Variants in CD96 observed in about 807,000 individuals in gnomAD.
The protein encoded by CD96 is CD96 molecule.
In CD96, 70 loss-of-function variants were observed where a neutral mutation model predicts 71.3. The ratio of observed to expected loss-of-function variants is 0.98; its 90% CI spans 0.81 to 1.20. The LOEUF is 1.20. Ranked by LOEUF, CD96 falls within the 50% of genes most tolerant of loss-of-function variation. The probability of loss-of-function intolerance (pLI) is 0.00; values close to 1 mark genes in which losing one functional copy is unlikely to be tolerated. For synonymous variants in CD96, 248 were observed against 233.0 expected (o/e 1.06, Z -0.59); for missense variants, 742 against 677.5 (o/e 1.10, Z -1.06).
At chr3:111,661,771 G>A (rs1940364795) in intron 14 of CD96, among the ~76,000 whole-genome samples, 1 of 152,226 alleles carries the variant, frequency 6.6e-6, no homozygotes, top group South Asian at 2.1e-4. Flanking sequence ...CAGTCCTCTT[G>A]GCTGCTTTCA....
intron 5 of CD96, among the ~76,000 whole-genome samples, chr3:111,591,371 T>TAAAAAAAAAAAAAAAAAAAAAAAAAA (rs3082283): frequency 1.1e-5 from 1 of 88,110 alleles, no homozygotes. Context: ...GACTCCATCT[T>TAAAAAAAAAAAAAAAAAAAAAAAAAA]AAAAAAAAAA....
chr3:111,652,670 G>A (rs1053027185), downstream of CD96, among the ~76,000 whole-genome samples: 7 of 152,056 alleles, frequency 4.6e-5, no homozygotes, highest in East Asian at 1.9e-4. Context: ...TAGAGTGAGC[G>A]GTTGCTTATC....
chr3:111,647,403 G>A (rs988857423), intron 12 of CD96, 140 bp from the exon 13 acceptor site: 12 of 793,766 alleles, frequency 1.5e-5, no homozygotes, highest in Non-Finnish European at 2.5e-5. Flanking sequence ...AGGTAACAAG[G>A]CTTAGACATG....
At chr3:111,617,836 G>A (rs1938320891) in intron 8 of CD96, among the ~76,000 whole-genome samples, 1 of 152,202 alleles carries the variant, frequency 6.6e-6, no homozygotes, top group Non-Finnish European at 1.5e-5. Flanking sequence ...TGCAAGCAAT[G>A]AGAAGGAGAG....
rs572990780 is a variant in CD96 at position 111,647,463 on chromosome 3, C to A, written c.1478-80C>A. 2.6e-3 allele frequency: 3,309 copies of A among 1,274,468 alleles called. 8 individuals carry two copies. The highest frequency in any genetic ancestry group is 3.5e-3 in the Non-Finnish European group (3,099 of 874,176). 78.9% of individuals were successfully genotyped at this position (1,274,468 alleles called of 1,614,324 possible). A position where few individuals can be genotyped will look rare whatever the true frequency, so the allele number is the denominator to read the frequency against. ...CCAATGTTGAAGAAAATATGTTTCA[C>A]GTAGGAAAAATGGTTTAATCCTGTT... On this transcript the variant is annotated intron_variant, in intron 12 of 13. Transcript: ENST00000352690.
intron 5 of CD96, among the ~76,000 whole-genome samples, chr3:111,595,741 A>AAT (rs1329159201): frequency 6.6e-6 from 1 of 151,072 alleles, no homozygotes; most frequent in Non-Finnish European, 1.5e-5. Flanking sequence ...TAATATGCAT[A>AAT]ATATATATAT....
At chr3:111,549,449 TTTTG>T (rs1382429456) in intron 2 of CD96, among the ~76,000 whole-genome samples, 1 of 152,174 alleles carries the variant, frequency 6.6e-6, no homozygotes, top group East Asian at 1.9e-4. Flanking sequence ...AAGGTGGTTG[TTTTG>T]TTTGATTTTT....
chr3:111,566,672 A>T (rs72622319), intron 2 of CD96, among the ~76,000 whole-genome samples: 4,628 of 152,278 alleles, frequency 0.03, 175 homozygotes, highest in East Asian at 0.15. Context: ...ATATGTATGT[A>T]TATAAAACTT....
At position 111,638,997 on chromosome 3, in the gene CD96, C is replaced by T. The variant is rs1385522406; in HGVS notation, c.1477+829C>T. 7.9e-5 allele frequency among the ~76,000 whole-genome samples: 12 copies of T among 152,294 alleles called. No homozygotes were observed. The East Asian group carries it at 1.7e-3, about 22-fold the overall frequency. On this transcript the variant is annotated intron_variant, in intron 12 of 13. Transcript: ENST00000352690. Reference sequence around the variant, plus strand: ...AAAAAATATAGGCATTGATGTAAGACCTCTTTAAAATATTTTGTTTGGCAA... The same window carrying T: ...AAAAAATATAGGCATTGATGTAAGATCTCTTTAAAATATTTTGTTTGGCAA...
chr3:111,570,855 G>T, intron 3 of CD96: 2 of 1,610,134 alleles, frequency 1.2e-6, no homozygotes, highest in Non-Finnish European at 1.7e-6. Flanking sequence ...AGGGTGCAAG[G>T]GTCCTGACCG....
chr3:111,555,875 T>G (rs1292268875), intron 2 of CD96, among the ~76,000 whole-genome samples: 1 of 152,310 alleles, frequency 6.6e-6, no homozygotes, highest in African/African-American at 2.4e-5. Flanking sequence ...CTTTCACTTC[T>G]TTTTCTACTA....
chr3:111,617,305 G>A (rs974904790), intron 8 of CD96, among the ~76,000 whole-genome samples: 1 of 152,230 alleles, frequency 6.6e-6, no homozygotes, highest in East Asian at 1.9e-4. Flanking sequence ...AAGCCTGGGA[G>A]CCAGGCTGCC....
Position 111,624,416 on chromosome 3 carries a change from T to C in CD96, c.1321+12T>C. 1 of 1,549,106 alleles carries C rather than the reference T, an allele frequency of 6.5e-7. No individual in the cohort carries two copies. Among genetic ancestry groups the C allele is most frequent in the Non-Finnish European group, 8.9e-7 (1 of 1,120,718 alleles). On this transcript the variant is annotated intron_variant, in intron 10 of 13. Coordinates refer to ENST00000352690, the MANE Select transcript of CD96 (RefSeq NM_005816.5). ...AGATACCAAAAAATGTTAAGTATAA[T>C]CGTGGGTCCCTTGAGTCCTCTGGAC...
chr3:111,574,444 A>G (rs948137797), intron 3 of CD96, among the ~76,000 whole-genome samples: 2 of 152,218 alleles, frequency 1.3e-5, no homozygotes, highest in Non-Finnish European at 2.9e-5. Flanking sequence ...GATACCAAGC[A>G]TTTCAGATAA....
intron 5 of CD96, chr3:111,593,375 T>G (rs1432337674): frequency 2.8e-6 from 2 of 718,502 alleles, no homozygotes; most frequent in Admixed American, 7.2e-5. Flanking sequence ...ACCTCGTAGA[T>G]AAGCATTTGG....
chr3:111,570,452 A>G (rs1052010285), intron 3 of CD96, among the ~76,000 whole-genome samples: 59 of 152,216 alleles, frequency 3.9e-4, no homozygotes, highest in African/African-American at 1.3e-3. Context: ...TTCCATTATC[A>G]TGGTGAATTT....
Position 111,579,217 on chromosome 3 carries a change from C to T in CD96, c.734C>T (p.Thr245Ile). 1 of 1,595,172 alleles carries T rather than the reference C, an allele frequency of 6.3e-7. No individual in the cohort carries two copies. Among genetic ancestry groups the T allele is most frequent in the Middle Eastern group, 1.7e-4 (1 of 6,036 alleles). Residue 245 changes from threonine to isoleucine, a missense_variant, in exon 4 of 14, where the codon ACC becomes ATC. By Grantham distance (89) the Thr-to-Ile change is moderately conservative. Coordinates refer to ENST00000352690, the MANE Select transcript of CD96 (RefSeq NM_005816.5). ...VGPNKILRSS[T>I]TVKVFAKPEI... is the part of the protein sequence containing the mutation. ...CCTAACAAAATCTTGAGGAGCTCCA[C>T]CACAGTCAAGGTTTTTGGTAAGGGC...
intron 13 of CD96, 56 bp from the exon 14 acceptor site, chr3:111,649,642 G>A: frequency 3.1e-6 from 3 of 963,050 alleles, no homozygotes; most frequent in Non-Finnish European, 5.1e-6. Flanking sequence ...CTGTGTGTGT[G>A]TGTGCATAAG....
At position 111,623,772 on chromosome 3, in the gene CD96, C is replaced by A; in HGVS notation, c.1199C>A (p.Ser400Ter). ...AAAATAGGATATCCAGCTACATCTTCAGTGACCCTTGTAGATGTGAGTGCC... is the reference window on the plus strand; with the variant it reads ...AAAATAGGATATCCAGCTACATCTTAAGTGACCCTTGTAGATGTGAGTGCC... Reference protein sequence around the residue: ...VSPARYPATSSVTLVDVSALR... With the variant: ...VSPARYPATS The change falls in exon 9 of 14, where the codon TCA (serine) becomes TAA (stop). Residue 400 changes from serine to a stop codon, truncating the protein, a stop_gained. Coordinates refer to ENST00000352690, the MANE Select transcript of CD96 (RefSeq NM_005816.5). LOFTEE classifies it high-confidence loss of function. 1 of 1,610,640 alleles carries A rather than the reference C, an allele frequency of 6.2e-7. No individual in the cohort carries two copies. The highest frequency in any genetic ancestry group is 2.2e-5 in the East Asian group (1 of 44,842).
Sources: gnomAD v4.1 joint callset for allele counts (sites outside exome capture counted in the v4.1 genomes callset) on GRCh38, gnomAD v4.1.1 for gene constraint, MANE v1.5 for transcripts, NCBI Gene and HGNC (gene_info 2026-07-23, HGNC 2026-07-21) for gene names.